The following MCTP1 variants were observed in gnomAD, a reference collection of about 807,000 sequenced individuals.
MCTP1 encodes the protein multiple C2 and transmembrane domain-containing protein 1.
MCTP1 carries 69 observed loss-of-function variants against 120.6 expected under a neutral mutation model. That is an observed-to-expected ratio of 0.57 (90% CI 0.47 to 0.70). The LOEUF is 0.70. Among genes scored for constraint, MCTP1 ranks in the 30% least tolerant of loss-of-function variants. The pLI is 0.00. For missense variants in MCTP1, 1,203 were observed against 1,248.8 expected (o/e 0.96, Z 0.55); for synonymous variants, 529 against 493.1 (o/e 1.07, Z -0.96).
chr5:95,020,068 C>T (rs962264039), intron 1 of MCTP1, among the ~76,000 whole-genome samples: 22 of 151,938 alleles, frequency 1.4e-4, no homozygotes, highest in Admixed American at 1.3e-3. Context: ...TTTTCTACTT[C>T]GTAAAAAATG....
intron 10 of MCTP1, among the ~76,000 whole-genome samples, chr5:94,900,649 A>T (rs73776927): frequency 0.017 from 2,537 of 152,286 alleles, 63 homozygotes; most frequent in African/African-American, 0.056. Flanking sequence ...TCAGATCCTT[A>T]CTTCAGAATG....
intron 2 of MCTP1, among the ~76,000 whole-genome samples, chr5:94,984,880 CAA>C (rs941750765): frequency 2.0e-5 from 3 of 152,028 alleles, no homozygotes; most frequent in Non-Finnish European, 2.9e-5. Context: ...TTTCTTTACT[CAA>C]AAAGAGAGCA....
At chr5:95,194,312 C>T (rs553567785) in intron 1 of MCTP1, among the ~76,000 whole-genome samples, 24 of 152,220 alleles carry the variant, frequency 1.6e-4, no homozygotes, top group African/African-American at 5.1e-4. Flanking sequence ...TAATAAGTGG[C>T]CAAAGTGGGA....
chr5:95,031,670 C>T (rs961973271), intron 1 of MCTP1, among the ~76,000 whole-genome samples: 1 of 152,052 alleles, frequency 6.6e-6, no homozygotes, highest in South Asian at 2.1e-4. Flanking sequence ...ATGTTATATG[C>T]TATCATAAAA....
intron 1 of MCTP1, among the ~76,000 whole-genome samples, chr5:95,158,162 G>A (rs1330753797): frequency 6.6e-6 from 1 of 152,182 alleles, no homozygotes; most frequent in Non-Finnish European, 1.5e-5. Flanking sequence ...CACAAACACA[G>A]ACCTGCACAA....
rs182821298 is a variant in MCTP1 at position 95,220,619 on chromosome 5, T to C, written c.720+63237A>G. On this transcript the variant is annotated intron_variant, in intron 1 of 22. Coordinates refer to ENST00000515393, the MANE Select transcript of MCTP1 (RefSeq NM_024717.7). ...TCAGTAATTCTCACCTCTCATATTATGACATAGCCACCAGAAGCTACTGCA... is the reference window on the plus strand; with the variant it reads ...TCAGTAATTCTCACCTCTCATATTACGACATAGCCACCAGAAGCTACTGCA... Among the ~76,000 whole-genome samples the C allele has an allele frequency of 1.5e-3, 235 of 152,344 alleles. 1 individual carries two copies. Among genetic ancestry groups the C allele is most frequent in the African/African-American group, 5.1e-3 (214 of 41,582 alleles).
In MCTP1 at chr5:94,964,110, TTCTGGGC is replaced by T. The variant is rs1157237339; in HGVS notation, c.839-10756_839-10750del. ...AATTGACTACATATGATGGATTTATTTCTGGGCTCTGTATTCTGCTTTGTTGGCCTAT... is the reference window on the plus strand; with the variant it reads ...AATTGACTACATATGATGGATTTATTTCTGTATTCTGCTTTGTTGGCCTAT... On this transcript the variant is annotated intron_variant, in intron 2 of 22. Transcript: ENST00000515393. Among the ~76,000 whole-genome samples the T allele has an allele frequency of 2.6e-5, 4 of 152,324 alleles. No homozygotes were observed. The East Asian group carries it at 7.7e-4, about 29-fold the overall frequency.
At chr5:95,044,193 GTCC>G (rs1562067088) in intron 1 of MCTP1, among the ~76,000 whole-genome samples, 1 of 152,190 alleles carries the variant, frequency 6.6e-6, no homozygotes. Flanking sequence ...CAGAAGTTAA[GTCC>G]ACAGAAAGGG....
intron 1 of MCTP1, among the ~76,000 whole-genome samples, chr5:95,047,017 C>T (rs1216733245): frequency 2.6e-5 from 4 of 152,270 alleles, no homozygotes; most frequent in South Asian, 2.1e-4. Flanking sequence ...TGGTTCACTC[C>T]TCCATGGATC....
At chr5:95,109,369 T>C (rs1248405043) in intron 1 of MCTP1, among the ~76,000 whole-genome samples, 1 of 152,246 alleles carries the variant, frequency 6.6e-6, no homozygotes, top group Admixed American at 6.5e-5. Context: ...CAGATTTACT[T>C]AGATTTTCAA....
intron 1 of MCTP1, among the ~76,000 whole-genome samples, chr5:95,239,823 ACCACTGTAT>A (rs1755960033): frequency 6.6e-6 from 1 of 152,082 alleles, no homozygotes; most frequent in Non-Finnish European, 1.5e-5. Flanking sequence ...ATTTTATTAT[ACCACTGTAT>A]CTCTCTCCTC....
At chr5:94,732,616 T>C (rs1358139131) in intron 19 of MCTP1, among the ~76,000 whole-genome samples, 1 of 152,150 alleles carries the variant, frequency 6.6e-6, no homozygotes, top group Non-Finnish European at 1.5e-5. Flanking sequence ...AATCTTATGA[T>C]ATTTGGAGGT....
chr5:94,922,189 T>G (rs2153461068), intron 7 of MCTP1, among the ~76,000 whole-genome samples: 1 of 152,344 alleles, frequency 6.6e-6, no homozygotes, highest in East Asian at 1.9e-4. Context: ...TTTTTAAACT[T>G]GCACATTTGT....
intron 19 of MCTP1, among the ~76,000 whole-genome samples, chr5:94,740,538 G>C (rs1406781065): frequency 6.6e-6 from 1 of 152,162 alleles, no homozygotes; most frequent in Non-Finnish European, 1.5e-5. Context: ...GCTGCTACTT[G>C]GAGTAAATTT....
chr5:95,048,275 T>C (rs922248163), intron 1 of MCTP1, among the ~76,000 whole-genome samples: 7 of 152,172 alleles, frequency 4.6e-5, no homozygotes, highest in Admixed American at 1.3e-4. Context: ...ATATGGCTTA[T>C]ATAAAATTGT....
intron 1 of MCTP1, among the ~76,000 whole-genome samples, chr5:95,266,200 A>C (rs1010329095): frequency 5.9e-5 from 9 of 152,224 alleles, no homozygotes; most frequent in African/African-American, 2.2e-4. Flanking sequence ...GTTCTAGGAT[A>C]AATAAATATG....
rs1416524142 is a variant in MCTP1, at chr5:94,714,751, G to A, written c.2720+26C>T. ...TGGACACCTTATCCCACAGAAGAAT[G>A]GGGCTCACAGGTCACCGTCACTCAC... On this transcript the variant is annotated intron_variant, in intron 20 of 22. Transcript: ENST00000515393. 4 of 1,313,062 alleles carry A rather than the reference G, an allele frequency of 3.0e-6. No homozygotes were observed. In the Admixed American group the frequency reaches 5.0e-5, roughly 17 times the overall value. 81.3% of individuals were successfully genotyped at this position (1,313,062 alleles called of 1,614,324 possible). A position where few individuals can be genotyped will look rare whatever the true frequency, so the allele number is the denominator to read the frequency against.
chr5:94,725,705 G>T (rs557270780), intron 19 of MCTP1, among the ~76,000 whole-genome samples: 2 of 152,098 alleles, frequency 1.3e-5, no homozygotes, highest in African/African-American at 4.8e-5. Context: ...GCTAAGTATG[G>T]TTCAAATGCT....
intron 19 of MCTP1, among the ~76,000 whole-genome samples, chr5:94,778,706 A>G (rs1485812900): frequency 6.6e-6 from 1 of 152,206 alleles, no homozygotes; most frequent in Non-Finnish European, 1.5e-5. Flanking sequence ...AAAATTACAG[A>G]TGACAATATC....
Sources: allele counts gnomAD v4.1 joint callset (sites outside exome capture counted in the v4.1 genomes callset), GRCh38; gene constraint gnomAD v4.1.1; transcripts MANE v1.5; gene names NCBI Gene and HGNC (gene_info 2026-07-23, HGNC 2026-07-21).